CIP2A: variants seen among roughly 807,000 people sequenced by gnomAD.
The protein encoded by CIP2A is protein CIP2A.
CIP2A carries 103 observed loss-of-function variants against 110.9 expected under a neutral mutation model. The observed-to-expected ratio is 0.93, with a 90% confidence interval of 0.79 to 1.09. The LOEUF is 1.09. Ranked by LOEUF, CIP2A falls within the 50% of genes least tolerant of loss-of-function variation. The pLI is 0.00. For missense variants in CIP2A, 1,088 were observed against 1,038.4 expected (o/e 1.05, Z -0.66); for synonymous variants, 381 against 361.6 (o/e 1.05, Z -0.61).
chr3:108,589,415 A>C lies in CIP2A; in HGVS notation c.-40T>G, dbSNP rs540872424. ...CCCGGCTTAGGGACCACCACCGCCC[A>C]GCGTGCGCCGGCCTTTAGCTTTCGC... On this transcript the variant is annotated 5_prime_UTR_variant, in exon 1 of 21. Coordinates refer to ENST00000295746, the MANE Select transcript of CIP2A (RefSeq NM_020890.3). 2.1e-6 allele frequency: 3 copies of C among 1,459,672 alleles called. No individual in the cohort carries two copies. Among genetic ancestry groups the C allele is most frequent in the South Asian group, 2.4e-5 (2 of 84,388 alleles). 90.4% of individuals were successfully genotyped at this position (1,459,672 alleles called of 1,614,324 possible).
intron 8 of CIP2A, among the ~76,000 whole-genome samples, chr3:108,571,908 A>G (rs1463552020): frequency 1.3e-5 from 2 of 152,056 alleles, no homozygotes; most frequent in Non-Finnish European, 2.9e-5. Flanking sequence ...TTTCATTTTA[A>G]TCAACTGGTG....
intron 19 of CIP2A, 23 bp downstream of exon 19, chr3:108,553,625 G>A (rs1316009077): frequency 2.0e-6 from 3 of 1,537,810 alleles, no homozygotes; most frequent in Non-Finnish European, 2.7e-6. Context: ...AATAGAAAAT[G>A]TATTAAATAA....
rs1271625941 is a variant in CIP2A at position 108,569,179 on chromosome 3, T to TATATATACATATATATATATATAC, written c.1113+209_1113+210insGTATATATATATATATGTATATAT. On this transcript the variant is annotated intron_variant, in intron 9 of 20. Transcript: ENST00000295746. ...CACTGAAATGAGCACTATATATATATATACATACACACTACTCAGTGAAAA... is the reference window on the plus strand; with the variant it reads ...CACTGAAATGAGCACTATATATATATATATATACATATATATATATATACATACATACACACTACTCAGTGAAAA... Among the ~76,000 whole-genome samples, 31 of 72,092 alleles carry TATATATACATATATATATATATAC rather than the reference T, an allele frequency of 4.3e-4. 2 individuals are homozygous for TATATATACATATATATATATATAC. Among genetic ancestry groups the TATATATACATATATATATATATAC allele is most frequent in the Middle Eastern group, 6.0e-3 (1 of 166 alleles). 47.3% of individuals were successfully genotyped at this position (72,092 alleles called of 152,430 possible). A position where few individuals can be genotyped will look rare whatever the true frequency, so the allele number is the denominator to read the frequency against.
chr3:108,587,530 C>T (rs1295119403), intron 1 of CIP2A, among the ~76,000 whole-genome samples: 1 of 152,128 alleles, frequency 6.6e-6, no homozygotes, highest in Non-Finnish European at 1.5e-5. Flanking sequence ...GCTACTCTAC[C>T]TATATGTTAG....
At chr3:108,554,672 TG>T (rs1489814911) in intron 17 of CIP2A, among the ~76,000 whole-genome samples, 183 bp from the exon 18 acceptor site, 1 of 152,198 alleles carries the variant, frequency 6.6e-6, no homozygotes, top group African/African-American at 2.4e-5. Flanking sequence ...AGTAAATACA[TG>T]TTTTGGTTGA....
In CIP2A at chr3:108,559,786, G is replaced by A. The variant is rs201083724; in HGVS notation, c.1984C>T (p.Arg662Cys). The A allele has an allele frequency of 2.4e-4, 383 of 1,587,616 alleles. 1 individual carries two copies. Among genetic ancestry groups the A allele is most frequent in the Non-Finnish European group, 2.8e-4 (320 of 1,160,606 alleles). ...GTTTCAGCTTGAGTTCTTTGACAGC[G>A]ATGCTGAGCAATCAGTCTATCAGCC... Reference protein sequence around the residue: ...AQADRLIAQHRCQRTQAETEA... With the variant: ...AQADRLIAQHCCQRTQAETEA... Residue 662 changes from arginine to cysteine, a missense_variant, in exon 16 of 21, where the codon CGC becomes TGC. By Grantham distance (180) the Arg-to-Cys change is radical. Coordinates refer to ENST00000295746, the MANE Select transcript of CIP2A (RefSeq NM_020890.3).
rs1378022855 is a variant in CIP2A at position 108,568,296 on chromosome 3, T to C, written c.1132A>G (p.Asn378Asp). 4 of 1,611,810 alleles carry C rather than the reference T, an allele frequency of 2.5e-6. No homozygotes were observed. The highest frequency in any genetic ancestry group is 1.7e-4 in the Middle Eastern group (1 of 6,044). ...EIFEDVIDAA[N>D]CSSADRFVTL... ...ACAAAACGATCAGCCGAGGAACAGTTAGCAGCATCTATGACATCCTGGAGA... is the reference window on the plus strand; with the variant it reads ...ACAAAACGATCAGCCGAGGAACAGTCAGCAGCATCTATGACATCCTGGAGA... The change falls in exon 10 of 21, where the codon AAC (asparagine) becomes GAC (aspartate). Residue 378 changes from asparagine (N) to aspartate (D), a missense_variant. Transcript: ENST00000295746.
At chr3:108,586,253 A>G (rs942305241) in intron 1 of CIP2A, among the ~76,000 whole-genome samples, 2 of 152,196 alleles carry the variant, frequency 1.3e-5, no homozygotes, top group Non-Finnish European at 2.9e-5. Context: ...GTGTTTTAAC[A>G]TTACTAAAGT....
At chr3:108,565,547 C>T in intron 11 of CIP2A, 93 bp from the exon 12 acceptor site, 1 of 642,066 alleles carries the variant, frequency 1.6e-6, no homozygotes, top group Non-Finnish European at 2.7e-6. Context: ...AAAAAACCAA[C>T]ACTTGTGTTT....
intron 17 of CIP2A, among the ~76,000 whole-genome samples, chr3:108,554,690 T>C (rs528652400): frequency 6.6e-6 from 1 of 152,340 alleles, no homozygotes; most frequent in East Asian, 1.9e-4. Context: ...TTGACTGATG[T>C]GGTAAAAATT....
intron 17 of CIP2A, 69 bp downstream of exon 17, chr3:108,557,149 T>C (rs1937835979): frequency 1.0e-6 from 1 of 982,670 alleles, no homozygotes; most frequent in Admixed American, 2.4e-5. Context: ...GATTTTCGGG[T>C]CTCAGAAAAG....
chr3:108,578,861 G>A (rs1302864561), intron 7 of CIP2A, among the ~76,000 whole-genome samples: 1 of 152,050 alleles, frequency 6.6e-6, no homozygotes, highest in African/African-American at 2.4e-5. Flanking sequence ...AAAAAATAAA[G>A]ACACAAACAT....
In CIP2A at chr3:108,550,987, C is replaced by A. The variant is rs1240542011; in HGVS notation, c.*162G>T. The A allele has an allele frequency of 7.6e-6, 3 of 392,248 alleles. No homozygotes were observed. Among genetic ancestry groups the A allele is most frequent in the Non-Finnish European group, 1.3e-5 (3 of 226,414 alleles). The allele number at this position is 392,248 out of a possible 1,614,324, so 24.3% of individuals were successfully genotyped here. A position where few individuals can be genotyped will look rare whatever the true frequency, so the allele number is the denominator to read the frequency against. ...TTAGAAAATTAAATTTCTATTCAAACTATCAAATAAAAAACATGCAACAGA... is the reference window on the plus strand; with the variant it reads ...TTAGAAAATTAAATTTCTATTCAAAATATCAAATAAAAAACATGCAACAGA... On this transcript the variant is annotated 3_prime_UTR_variant, in exon 21 of 21. Coordinates refer to ENST00000295746, the MANE Select transcript of CIP2A (RefSeq NM_020890.3).
At chr3:108,580,201 G>T (rs532456839) in intron 5 of CIP2A, among the ~76,000 whole-genome samples, 1 of 152,172 alleles carries the variant, frequency 6.6e-6, no homozygotes, top group Non-Finnish European at 1.5e-5. Context: ...GTTACACACC[G>T]TGGAGCAGCA....
chr3:108,568,104 A>AG (rs758390020), intron 10 of CIP2A, 51 bp downstream of exon 10: 1 of 1,434,956 alleles, frequency 7.0e-7, no homozygotes, highest in Non-Finnish European at 9.5e-7. Context: ...ATACTAGAAA[A>AG]AAAAGAATGG....
chr3:108,580,548 C>T (rs903249452), intron 5 of CIP2A, among the ~76,000 whole-genome samples: 2 of 151,062 alleles, frequency 1.3e-5, no homozygotes, highest in South Asian at 2.1e-4. Flanking sequence ...AATTTAAAAT[C>T]GAACGGGTAA....
chr3:108,572,875 T>C (rs1938447101), intron 8 of CIP2A, among the ~76,000 whole-genome samples: 1 of 152,080 alleles, frequency 6.6e-6, no homozygotes, highest in Non-Finnish European at 1.5e-5. Context: ...ATGAACATTC[T>C]TTTCTTATTC....
intron 19 of CIP2A, 111 bp downstream of exon 19, chr3:108,553,537 G>T: frequency 2.1e-6 from 2 of 941,808 alleles, no homozygotes; most frequent in Non-Finnish European, 3.1e-6. Flanking sequence ...TTCCAAATAT[G>T]ATTTAAAGTT....
At chr3:108,559,026 G>T (rs183906206) in intron 16 of CIP2A, among the ~76,000 whole-genome samples, 1 of 152,096 alleles carries the variant, frequency 6.6e-6, no homozygotes, top group African/African-American at 2.4e-5. Context: ...CTAGGTGAAG[G>T]GGGTAGAACC....
Sources: allele counts gnomAD v4.1 joint callset (sites outside exome capture counted in the v4.1 genomes callset), GRCh38; gene constraint gnomAD v4.1.1; transcripts MANE v1.5; gene names NCBI Gene and HGNC (gene_info 2026-07-23, HGNC 2026-07-21).